Variants in DNAJC1 observed in about 807,000 individuals in gnomAD.
DNAJC1 encodes the protein dnaJ homolog subfamily C member 1.
In DNAJC1, 58 loss-of-function variants were observed where a neutral mutation model predicts 76.6. The observed-to-expected ratio is 0.76, with a 90% CI of 0.61 to 0.94. The LOEUF is 0.94. Ranked by LOEUF, DNAJC1 falls within the 40% of genes least tolerant of loss-of-function variation. The pLI, the probability that DNAJC1 is intolerant of heterozygous loss-of-function variation, is 0.00. For synonymous variants in DNAJC1, 258 were observed against 267.9 expected (o/e 0.96, Z 0.36); for missense variants, 689 against 677.3 (o/e 1.02, Z -0.19).
At chr10:21,916,231 C>T (rs1836952846) in intron 6 of DNAJC1, among the ~76,000 whole-genome samples, 2 of 152,130 alleles carry the variant, frequency 1.3e-5, no homozygotes, top group Admixed American at 6.5e-5. Context: ...CAGTGGCTCA[C>T]GCCTATAATC....
chr10:21,920,666 A>G (rs1163072306), intron 4 of DNAJC1, 132 bp downstream of exon 4: 7 of 698,342 alleles, frequency 1.0e-5, no homozygotes, highest in Non-Finnish European at 1.5e-5. Context: ...TATGTCAAAC[A>G]TTGAGTATAA....
At chr10:21,768,296 C>T (rs996423815) in intron 9 of DNAJC1, among the ~76,000 whole-genome samples, 4 of 152,062 alleles carry the variant, frequency 2.6e-5, no homozygotes, top group Admixed American at 6.6e-5. Context: ...TGTATATTCT[C>T]GAACCAACAC....
rs566069656 is a variant in DNAJC1, at chr10:21,771,098, T to C, written c.1099-4789A>G. 1.9e-3 allele frequency among the ~76,000 whole-genome samples: 297 copies of C among 152,344 alleles called. 2 individuals carry two copies. Among genetic ancestry groups the C allele is most frequent in the Middle Eastern group, 0.01 (3 of 294 alleles). On this transcript the variant is annotated intron_variant, in intron 9 of 11. Coordinates refer to ENST00000376980, the MANE Select transcript of DNAJC1 (RefSeq NM_022365.4). ...ATTAATTTCATTTTCAAGTTGTTCA[T>C]TGTAAATGTATAAAAAATAAAACTG...
At chr10:21,963,803 T>A (rs924575846) in intron 1 of DNAJC1, among the ~76,000 whole-genome samples, 2 of 152,242 alleles carry the variant, frequency 1.3e-5, no homozygotes, top group African/African-American at 4.8e-5. Flanking sequence ...TTGATATACA[T>A]GAATTTTTTC....
intron 6 of DNAJC1, 44 bp downstream of exon 6, chr10:21,918,735 T>G: frequency 7.0e-7 from 1 of 1,433,436 alleles, no homozygotes; most frequent in Non-Finnish European, 9.8e-7. Flanking sequence ...CATGAGTGAT[T>G]AAAAATAAAA....
At chr10:21,830,579 T>A (rs750994519) in intron 8 of DNAJC1, among the ~76,000 whole-genome samples, 4 of 152,210 alleles carry the variant, frequency 2.6e-5, no homozygotes, top group Non-Finnish European at 5.9e-5. Context: ...TTTTTATTCA[T>A]CCTGTTCAGT....
rs764243236 is a variant in DNAJC1, at chr10:21,806,063, T to C, written c.1015A>G (p.Thr339Ala). ...EWTEEDLSQL[T>A]RSMVKFPGGT... ...CCTGGGAACTTAACCATACTTCTTG[T>C]CAGTTGGCTGAGGTCCTCTTCTGTC... The change falls in exon 9 of 12, where the codon ACA (threonine) becomes GCA (alanine). Residue 339 changes from threonine to alanine, a missense_variant. Coordinates refer to ENST00000376980, the MANE Select transcript of DNAJC1 (RefSeq NM_022365.4). 1.2e-5 allele frequency: 19 copies of C among 1,612,226 alleles called. No individual in the cohort carries two copies. The highest frequency in any genetic ancestry group is 2.0e-4 in the Middle Eastern group (1 of 5,012).
intron 8 of DNAJC1, among the ~76,000 whole-genome samples, chr10:21,853,315 T>C (rs567124952): frequency 1.7e-3 from 259 of 152,276 alleles, no homozygotes; most frequent in Non-Finnish European, 3.2e-3. Context: ...CTCTCTGTAC[T>C]TTGAGTATTG....
chr10:21,854,443 A>G (rs561280177), intron 8 of DNAJC1, among the ~76,000 whole-genome samples: 5 of 151,958 alleles, frequency 3.3e-5, no homozygotes, highest in Non-Finnish European at 5.9e-5. Flanking sequence ...TTAATACACT[A>G]TAACTTGTCT....
intron 1 of DNAJC1, among the ~76,000 whole-genome samples, chr10:21,961,480 CAA>C (rs200813855): frequency 0.011 from 1,605 of 152,056 alleles, 23 homozygotes; most frequent in African/African-American, 0.037. Context: ...TACAAAAGGA[CAA>C]ATATTGTTAT....
At chr10:21,889,052 G>A (rs1170996641) in intron 7 of DNAJC1, among the ~76,000 whole-genome samples, 1 of 152,034 alleles carries the variant, frequency 6.6e-6, no homozygotes, top group Non-Finnish European at 1.5e-5. Context: ...ACTGAGACTG[G>A]GTAACTGATA....
At chr10:21,868,665 TGGTTGTCAGA>T (rs1836050423) in intron 8 of DNAJC1, among the ~76,000 whole-genome samples, 1 of 152,014 alleles carries the variant, frequency 6.6e-6, no homozygotes, top group Non-Finnish European at 1.5e-5. Context: ...TGTAGAGAAT[TGGTTGTCAGA>T]GGTTAAGGAG....
At chr10:21,890,437 A>G (rs531006231) in intron 7 of DNAJC1, among the ~76,000 whole-genome samples, 11 of 151,880 alleles carry the variant, frequency 7.2e-5, no homozygotes, top group East Asian at 1.9e-4. Context: ...AAAAAAAAAA[A>G]AAAGAAAGGA....
At chr10:21,822,425 C>T (rs371905197) in intron 8 of DNAJC1, among the ~76,000 whole-genome samples, 9 of 147,688 alleles carry the variant, frequency 6.1e-5, no homozygotes, top group African/African-American at 2.3e-4. Flanking sequence ...GGTGACACAG[C>T]GAGACTCCGA....
rs28368995 is a variant in DNAJC1, at chr10:21,906,349, T to C, written c.730-1737A>G. Among the ~76,000 whole-genome samples, 959 of 151,872 alleles carry C rather than the reference T, an allele frequency of 6.3e-3. 17 individuals are homozygous for C. The highest frequency in any genetic ancestry group is 0.022 in the African/African-American group (899 of 41,346). ...GGTTAAGGTTTTATAGCCCTTAACA[T>C]TCCCCACCCCCCTTAAAAAAAGTCA... is the stretch of plus-strand genomic sequence containing the variant. On this transcript the variant is annotated intron_variant, in intron 6 of 11. Coordinates refer to ENST00000376980, the MANE Select transcript of DNAJC1 (RefSeq NM_022365.4).
intron 8 of DNAJC1, among the ~76,000 whole-genome samples, chr10:21,878,005 C>T (rs1836215955): frequency 6.6e-6 from 1 of 152,030 alleles, no homozygotes; most frequent in African/African-American, 2.4e-5. Flanking sequence ...TTATCAATAC[C>T]CTAAGTTCAC....
At chr10:21,962,633 A>G (rs1406203413) in intron 1 of DNAJC1, among the ~76,000 whole-genome samples, 1 of 149,064 alleles carries the variant, frequency 6.7e-6, no homozygotes, top group African/African-American at 2.5e-5. Flanking sequence ...ACGCTCAGCT[A>G]ATTTTTTTTC....
At position 21,759,335 on chromosome 10, in the gene DNAJC1, G is replaced by C. The variant is rs764823623; in HGVS notation, c.1431C>G (p.Asn477Lys). The change falls in exon 11 of 12, where the codon AAC becomes AAG. Residue 477 changes from asparagine (N) to lysine (K), a missense_variant. Coordinates refer to ENST00000376980, the MANE Select transcript of DNAJC1 (RefSeq NM_022365.4). ...RQKDFDIAEQ[N>K]ESSDEESLRK... Reference sequence around the variant, plus strand: ...TCAGGCTCTCCTCGTCGCTGGACTCGTTTTGTTCTGCTATGTCAAAGTCCT... The same window carrying C: ...TCAGGCTCTCCTCGTCGCTGGACTCCTTTTGTTCTGCTATGTCAAAGTCCT... The C allele has an allele frequency of 1.2e-6, 2 of 1,614,180 alleles. No homozygotes were observed. Among genetic ancestry groups the C allele is most frequent in the Non-Finnish European group, 1.7e-6 (2 of 1,180,030 alleles).
intron 8 of DNAJC1, among the ~76,000 whole-genome samples, chr10:21,854,643 T>C (rs560104822): frequency 6.6e-6 from 1 of 152,178 alleles, no homozygotes; most frequent in Non-Finnish European, 1.5e-5. Context: ...TATCAGTTGT[T>C]AGGAAGTGAA....
Sources: allele counts gnomAD v4.1 joint callset (sites outside exome capture counted in the v4.1 genomes callset), GRCh38; gene constraint gnomAD v4.1.1; transcripts MANE v1.5; gene names NCBI Gene and HGNC (gene_info 2026-07-23, HGNC 2026-07-21).